PGM5: variants seen among roughly 807,000 people sequenced by gnomAD.
The protein encoded by PGM5 is phosphoglucomutase-like protein 5.
PGM5 carries 23 observed loss-of-function variants against 59.2 expected under a neutral mutation model. The ratio of observed to expected loss-of-function variants is 0.39; its 90% CI spans 0.28 to 0.55. The LOEUF (loss-of-function observed/expected upper bound fraction) is 0.55, where lower values mean the gene tolerates loss of function less well. Among genes scored for constraint, PGM5 ranks in the 20% least tolerant of loss-of-function variants. The pLI is 0.66. For synonymous variants in PGM5, 214 were observed against 286.0 expected, an observed-to-expected ratio of 0.75 and a Z score of 2.54; for missense variants, 574 against 748.3, an observed-to-expected ratio of 0.77 and a Z score of 2.72.
At chr9:68,458,802 AGTTGTT>A (rs1245220639) in intron 6 of PGM5, among the ~76,000 whole-genome samples, 3 of 152,180 alleles carry the variant, frequency 2.0e-5, no homozygotes, top group Non-Finnish European at 4.4e-5. Context: ...TGAAAGTGTG[AGTTGTT>A]CCATCCAAAA....
chr9:68,481,132 C>T (rs1380494326), intron 8 of PGM5, among the ~76,000 whole-genome samples: 1 of 152,166 alleles, frequency 6.6e-6, no homozygotes, highest in Non-Finnish European at 1.5e-5. Flanking sequence ...AGAAAGAGAG[C>T]TTTAGACTTT....
intron 10 of PGM5, among the ~76,000 whole-genome samples, chr9:68,504,204 A>T (rs991614908): frequency 3.3e-5 from 5 of 152,216 alleles, no homozygotes; most frequent in Admixed American, 1.3e-4. Context: ...TGTCTTATAG[A>T]CATCACCAAC....
chr9:68,513,045 T>C (rs1824776207), intron 10 of PGM5, among the ~76,000 whole-genome samples: 1 of 152,274 alleles, frequency 6.6e-6, no homozygotes, highest in South Asian at 2.1e-4. Flanking sequence ...TTGTTGATCC[T>C]TGCCTTATAG....
Position 68,357,094 on chromosome 9 carries a change from C to G in PGM5, c.-34C>G. The G allele has an allele frequency of 6.9e-7, 1 of 1,450,850 alleles. No individual in the cohort carries two copies. Among genetic ancestry groups the G allele is most frequent in the South Asian group, 1.4e-5 (1 of 70,862 alleles). The allele number at this position is 1,450,850 out of a possible 1,614,324, so 89.9% of individuals were successfully genotyped here. On this transcript the variant is annotated 5_prime_UTR_variant, in exon 1 of 11. Coordinates refer to ENST00000396396, the MANE Select transcript of PGM5 (RefSeq NM_021965.4). ...GGCAGGCTGCAGATTCCCTCCGGCTCCGGGAGCCGCAGCAGGACCGGCCAG... is the reference window on the plus strand; with the variant it reads ...GGCAGGCTGCAGATTCCCTCCGGCTGCGGGAGCCGCAGCAGGACCGGCCAG...
chr9:68,515,767 T>G (rs1447599389), intron 10 of PGM5, among the ~76,000 whole-genome samples: 1 of 152,244 alleles, frequency 6.6e-6, no homozygotes, highest in Admixed American at 6.5e-5. Flanking sequence ...AAAGATAACA[T>G]GAACTTTATT....
intron 6 of PGM5, chr9:68,399,292 C>T (rs1373752259): frequency 6.6e-6 from 1 of 151,796 alleles, no homozygotes; most frequent in Non-Finnish European, 1.5e-5. Context: ...GTGTGAGAAT[C>T]TCTTCAACAC....
chr9:68,379,860 G>A (rs1822022241), intron 2 of PGM5, among the ~76,000 whole-genome samples: 1 of 151,354 alleles, frequency 6.6e-6, no homozygotes, highest in South Asian at 2.1e-4. Flanking sequence ...AGACAAAGAA[G>A]GTCATGATTT....
intron 6 of PGM5, among the ~76,000 whole-genome samples, chr9:68,414,215 G>T (rs555968098): frequency 6.6e-6 from 1 of 152,270 alleles, no homozygotes; most frequent in South Asian, 2.1e-4. Context: ...CAGGCTTCCC[G>T]TATAGCCCGC....
intron 7 of PGM5, among the ~76,000 whole-genome samples, chr9:68,469,341 C>G (rs542373734): frequency 4.6e-5 from 7 of 151,122 alleles, no homozygotes; most frequent in African/African-American, 1.7e-4. Context: ...GAGTCTTTCA[C>G]AGAAATAATA....
chr9:68,409,762 T>C, intron 6 of PGM5, among the ~76,000 whole-genome samples: 1 of 132,686 alleles, frequency 7.5e-6, no homozygotes, highest in East Asian at 2.2e-4. Flanking sequence ...CATTGGGAGA[T>C]ATACCTAATG....
chr9:68,368,777 G>A (rs1333385682), intron 1 of PGM5, among the ~76,000 whole-genome samples: 3 of 152,102 alleles, frequency 2.0e-5, no homozygotes, highest in Non-Finnish European at 4.4e-5. Context: ...CAAGAAGCTG[G>A]GACTACAGGT....
intron 1 of PGM5, among the ~76,000 whole-genome samples, chr9:68,370,683 GT>G (rs1319572297): frequency 6.6e-6 from 1 of 152,250 alleles, no homozygotes; most frequent in East Asian, 1.9e-4. Flanking sequence ...TCTAAGGCAT[GT>G]GAAAGGGCAT....
At chr9:68,471,273 CT>C (rs1290893682) in intron 7 of PGM5, among the ~76,000 whole-genome samples, 2 of 152,216 alleles carry the variant, frequency 1.3e-5, no homozygotes, top group East Asian at 1.9e-4. Context: ...CTAAGGGGTT[CT>C]TTTCCCAGTG....
intron 6 of PGM5, chr9:68,429,048 G>C (rs1320076323): frequency 6.6e-6 from 1 of 152,090 alleles, no homozygotes; most frequent in African/African-American, 2.4e-5. Context: ...TCTTGGTTTG[G>C]AGTCTTCTAG....
chr9:68,433,291 G>A (rs1823384854), intron 6 of PGM5, among the ~76,000 whole-genome samples: 1 of 152,200 alleles, frequency 6.6e-6, no homozygotes, highest in Admixed American at 6.5e-5. Context: ...GAGGAAAGTG[G>A]AACAGAAGAT....
intron 6 of PGM5, among the ~76,000 whole-genome samples, chr9:68,419,857 T>TC (rs1293784781): frequency 6.6e-6 from 1 of 152,126 alleles, no homozygotes; most frequent in African/African-American, 2.4e-5. Flanking sequence ...TGTTGAGATA[T>TC]CCCCCTCATC....
At chr9:68,371,963 C>A (rs1451140686) in intron 1 of PGM5, among the ~76,000 whole-genome samples, 1 of 152,194 alleles carries the variant, frequency 6.6e-6, no homozygotes, top group Admixed American at 6.5e-5. Context: ...TCCCCTAGAG[C>A]CTTTCGATGA....
At chr9:68,527,881 A>T (rs1489364464) in intron 10 of PGM5, among the ~76,000 whole-genome samples, 1 of 152,196 alleles carries the variant, frequency 6.6e-6, no homozygotes, top group African/African-American at 2.4e-5. Flanking sequence ...CCCCTTGCCT[A>T]ATGAATTAAA....
Position 68,463,688 on chromosome 9 carries a change from T to G in PGM5, c.1044-1405T>G, listed in dbSNP as rs1306777077. Among the ~76,000 whole-genome samples, 4 of 152,308 alleles carry G rather than the reference T, an allele frequency of 2.6e-5. No homozygotes were observed. In the East Asian group the frequency reaches 5.8e-4, roughly 22 times the overall value. Reference sequence around the variant, plus strand: ...AGTGGAACAATACAGTATATACACCTTTGTTACTGATTTCTTTTACTTAAT... The same window carrying G: ...AGTGGAACAATACAGTATATACACCGTTGTTACTGATTTCTTTTACTTAAT... On this transcript the variant is annotated intron_variant, in intron 6 of 10. Transcript: ENST00000396396.
Sources: gnomAD v4.1 joint callset for allele counts (sites outside exome capture counted in the v4.1 genomes callset) on GRCh38, gnomAD v4.1.1 for gene constraint, MANE v1.5 for transcripts, NCBI Gene and HGNC (gene_info 2026-07-23, HGNC 2026-07-21) for gene names.